The following ERCC6L2 variants were observed in gnomAD, a reference collection of about 807,000 sequenced individuals.
ERCC6L2 encodes ERCC excision repair 6 like 2, also known as DNA excision repair protein ERCC-6-like 2.
In ERCC6L2, 77 loss-of-function variants were observed where a neutral mutation model predicts 132.0. The observed-to-expected ratio is 0.58, with a 90% confidence interval of 0.49 to 0.71. ERCC6L2 has a LOEUF of 0.71. ERCC6L2 is among the 30% of genes least tolerant of loss of function. ERCC6L2 has a pLI of 0.00. For synonymous variants in ERCC6L2, 583 were observed against 632.4 expected (o/e 0.92, Z 1.17); for missense variants, 1,542 against 1,837.6 (o/e 0.84, Z 2.94).
chr9:95,903,338 T>C (rs1036423656), intron 3 of ERCC6L2, among the ~76,000 whole-genome samples: 1 of 152,088 alleles, frequency 6.6e-6, no homozygotes, highest in Non-Finnish European at 1.5e-5. Flanking sequence ...CTAAACAGTT[T>C]TAGTTATTTT....
intron 17 of ERCC6L2, among the ~76,000 whole-genome samples, chr9:96,001,647 C>G (rs570631908): frequency 6.6e-6 from 1 of 152,264 alleles, no homozygotes; most frequent in African/African-American, 2.4e-5. Context: ...AGGAGCCCAG[C>G]TGGCTTCACC....
Position 95,972,537 on chromosome 9 carries a change from A to C in ERCC6L2, c.2786A>C (p.Glu929Ala). ...IRFKPPLEGS[E>A]DSETEHTVKT... is the part of the protein sequence containing the mutation. The stretch of plus-strand genomic sequence containing the variant: ...TTTAAGCCACCCTTGGAAGGATCTG[A>C]GGATTCTGAAACAGAACACACTGTA... The change falls in exon 16 of 19, where the codon GAG becomes GCG. Residue 929 changes from glutamate to alanine, a missense_variant. Around this residue, in one of 4 missense-constraint regions of ERCC6L2, gnomAD observed 945 missense variants for 1,105.2 expected, o/e 0.86. Transcript: ENST00000653738. The C allele has an allele frequency of 7.8e-7, 1 of 1,290,010 alleles. No homozygotes were observed. The allele number at this position is 1,290,010 out of a possible 1,614,324, so 79.9% of individuals were successfully genotyped here. A position where few individuals can be genotyped will look rare whatever the true frequency, so the allele number is the denominator to read the frequency against.
intron 12 of ERCC6L2, chr9:95,954,820 C>G: frequency 2.1e-6 from 1 of 471,142 alleles, no homozygotes; most frequent in South Asian, 1.5e-5. Flanking sequence ...GTACCTTACC[C>G]CTGGTGGTGC....
chr9:95,914,821 G>A (rs1587896127), intron 4 of ERCC6L2, among the ~76,000 whole-genome samples: 1 of 152,212 alleles, frequency 6.6e-6, no homozygotes, highest in East Asian at 1.9e-4. Context: ...TTGACTATAA[G>A]TTTTGTGTCA....
intron 11 of ERCC6L2, 33 bp from the exon 12 acceptor site, chr9:95,941,421 C>T (rs775007021): frequency 1.3e-6 from 2 of 1,524,048 alleles, no homozygotes; most frequent in East Asian, 2.3e-5. Context: ...TTTTGCTGTT[C>T]TAATGTGCTT....
chr9:95,889,376 T>A (rs533925883), intron 2 of ERCC6L2, among the ~76,000 whole-genome samples: 1 of 152,264 alleles, frequency 6.6e-6, no homozygotes, highest in African/African-American at 2.4e-5. Flanking sequence ...TCATTTAAAT[T>A]GTTATGGTAT....
chr9:96,007,832 G>A (rs1833909419), intron 18 of ERCC6L2, among the ~76,000 whole-genome samples: 1 of 152,192 alleles, frequency 6.6e-6, no homozygotes, highest in Non-Finnish European at 1.5e-5. Context: ...TGGGAGGCAT[G>A]GTTGGACTGG....
intron 15 of ERCC6L2, among the ~76,000 whole-genome samples, chr9:95,971,144 CAT>C (rs1454436286): frequency 1.2e-4 from 19 of 152,116 alleles, no homozygotes; most frequent in Middle Eastern, 3.4e-3. Flanking sequence ...AGGTAAAAAA[CAT>C]GTGTGGAAGG....
At chr9:95,953,428 T>C (rs1211768384) in intron 12 of ERCC6L2, among the ~76,000 whole-genome samples, 2 of 151,830 alleles carry the variant, frequency 1.3e-5, no homozygotes, top group Admixed American at 6.6e-5. Flanking sequence ...TACAAAAAAA[T>C]AGCTGGGCGT....
At chr9:95,923,481 T>G in intron 9 of ERCC6L2, 102 bp downstream of exon 9, 1 of 1,331,046 alleles carries the variant, frequency 7.5e-7, no homozygotes, top group Non-Finnish European at 1.0e-6. Context: ...GCTCAGTCAT[T>G]CAGAAGAGAT....
Position 95,978,398 on chromosome 9 carries a change from C to G in ERCC6L2, c.3492+183C>G, listed in dbSNP as rs571632546. Among the ~76,000 whole-genome samples the G allele has an allele frequency of 2.6e-5, 4 of 152,264 alleles. No individual in the cohort carries two copies. In the South Asian group the frequency reaches 8.3e-4, roughly 32 times the overall value. The stretch of plus-strand genomic sequence containing the variant: ...GTCATTGAAGACGTTTTAGATTAAA[C>G]AACAAATTTATACCCAAATACCTAA... On this transcript the variant is annotated intron_variant, in intron 17 of 18. Coordinates refer to ENST00000653738, the MANE Select transcript of ERCC6L2 (RefSeq NM_020207.7).
intron 9 of ERCC6L2, among the ~76,000 whole-genome samples, chr9:95,925,183 C>T (rs1382396268): frequency 6.6e-6 from 1 of 152,178 alleles, no homozygotes; most frequent in Non-Finnish European, 1.5e-5. Flanking sequence ...ACACTTATGA[C>T]CCCACCTCTT....
At chr9:95,901,415 C>G (rs1828771059) in intron 3 of ERCC6L2, among the ~76,000 whole-genome samples, 1 of 152,166 alleles carries the variant, frequency 6.6e-6, no homozygotes, top group Non-Finnish European at 1.5e-5. Context: ...GGGAAAGTTG[C>G]ATACTGATGC....
chr9:95,916,990 A>C (rs1829630112), intron 6 of ERCC6L2, among the ~76,000 whole-genome samples: 1 of 152,062 alleles, frequency 6.6e-6, no homozygotes, highest in Non-Finnish European at 1.5e-5. Flanking sequence ...TGGCCTCATC[A>C]AAACTTTTGA....
At chr9:95,985,504 G>GTCATT (rs1232763899) in intron 17 of ERCC6L2, among the ~76,000 whole-genome samples, 4 of 152,112 alleles carry the variant, frequency 2.6e-5, no homozygotes, top group Non-Finnish European at 5.9e-5. Context: ...GTTCTTCATT[G>GTCATT]TCATTATATG....
At chr9:95,965,678 G>GT (rs1355736528) in intron 13 of ERCC6L2, among the ~76,000 whole-genome samples, 1 of 151,936 alleles carries the variant, frequency 6.6e-6, no homozygotes, top group Non-Finnish European at 1.5e-5. Flanking sequence ...GCTAATTTTT[G>GT]TATTTTAGTA....
chr9:95,920,529 A>C (rs1048443393), intron 6 of ERCC6L2, among the ~76,000 whole-genome samples: 2 of 152,166 alleles, frequency 1.3e-5, no homozygotes, highest in Non-Finnish European at 2.9e-5. Flanking sequence ...CAGAAGTTAT[A>C]CATGGACTTT....
intron 19 of ERCC6L2, among the ~76,000 whole-genome samples, chr9:96,030,296 C>G (rs770915676): frequency 2.0e-5 from 3 of 152,018 alleles, no homozygotes; most frequent in Non-Finnish European, 4.4e-5. Context: ...CTGGCCACCC[C>G]ACCCACCCAG....
intron 12 of ERCC6L2, among the ~76,000 whole-genome samples, chr9:95,942,498 G>GA (rs1349743119): frequency 2.6e-5 from 4 of 151,440 alleles, no homozygotes; most frequent in East Asian, 1.9e-4. Context: ...GAAGGTCTGG[G>GA]AAAAAAAATG....
Sources: gnomAD v4.1 joint callset for allele counts (sites outside exome capture counted in the v4.1 genomes callset) on GRCh38, gnomAD v4.1.1 for gene constraint, gnomAD v4.1.1 regional missense constraint, MANE v1.5 for transcripts, NCBI Gene and HGNC (gene_info 2026-07-23, HGNC 2026-07-21) for gene names.